Variants in ADARB1 observed in about 807,000 individuals in gnomAD.
The protein encoded by ADARB1 is adenosine deaminase RNA specific B1.
ADARB1 carries 10 observed loss-of-function variants against 52.4 expected under a neutral mutation model. The ratio of observed to expected loss-of-function variants is 0.19; its 90% confidence interval spans 0.12 to 0.32. The LOEUF is 0.32. ADARB1 is among the 10% of genes least tolerant of loss of function. The probability of loss-of-function intolerance (pLI) is 1.00; values close to 1 mark genes in which losing one functional copy is unlikely to be tolerated. For missense variants in ADARB1, 643 were observed against 922.3 expected, an observed-to-expected ratio of 0.70 and a Z score of 3.92; for synonymous variants, 349 against 371.1, an observed-to-expected ratio of 0.94 and a Z score of 0.68.
chr21:45,077,598 C>T (rs536019077), intron 1 of ADARB1, among the ~76,000 whole-genome samples: 3 of 151,614 alleles, frequency 2.0e-5, no homozygotes, highest in South Asian at 2.1e-4. Flanking sequence ...ACCCAGGAGG[C>T]GGAGCTTGCA....
At chr21:45,180,609 C>A (rs974873971) in intron 5 of ADARB1, among the ~76,000 whole-genome samples, 165 bp downstream of exon 5, 1 of 152,198 alleles carries the variant, frequency 6.6e-6, no homozygotes, top group Non-Finnish European at 1.5e-5. Flanking sequence ...CACTTACAAG[C>A]TTTTTTCCCA....
At chr21:45,197,758 C>G (rs1394315252) in intron 8 of ADARB1, among the ~76,000 whole-genome samples, 1 of 152,200 alleles carries the variant, frequency 6.6e-6, no homozygotes, top group Non-Finnish European at 1.5e-5. Context: ...CAGTGATACA[C>G]ACTACAGCAT....
intron 1 of ADARB1, among the ~76,000 whole-genome samples, chr21:45,113,259 C>G (rs1386627814): frequency 6.6e-6 from 1 of 152,048 alleles, no homozygotes; most frequent in Non-Finnish European, 1.5e-5. Flanking sequence ...CCCATCTCTA[C>G]TAATAATACA....
At chr21:45,186,494 C>T (rs757220427) in intron 8 of ADARB1, among the ~76,000 whole-genome samples, 2 of 152,134 alleles carry the variant, frequency 1.3e-5, no homozygotes, top group Non-Finnish European at 2.9e-5. Context: ...AGATTGCATC[C>T]CAGGGCAGTC....
At chr21:45,075,048 A>G (rs2085862604) in intron 1 of ADARB1, among the ~76,000 whole-genome samples, 1 of 149,202 alleles carries the variant, frequency 6.7e-6, no homozygotes, top group African/African-American at 2.5e-5. Context: ...TCCCCTCCCG[A>G]GGGCGCCGAG....
In ADARB1 at chr21:45,222,457, C is replaced by G. The variant is rs77920851; in HGVS notation, c.*260C>G. 8 of 1,235,412 alleles carry G rather than the reference C, an allele frequency of 6.5e-6. No homozygotes were observed. In the African/African-American group the frequency reaches 1.2e-4, roughly 19 times the overall value. The allele number at this position is 1,235,412 out of a possible 1,614,324, so 76.5% of individuals were successfully genotyped here. On this transcript the variant is annotated 3_prime_UTR_variant, in exon 11 of 11. Coordinates refer to ENST00000348831, the MANE Select transcript of ADARB1 (RefSeq NM_001112.4). ...TGCCGCAGCATTTCCCCTTCTGAAC[C>G]GTCCAGTGACTGCTTTCAATCTCGG...
chr21:45,164,292 A>G (rs2091142129), intron 2 of ADARB1, among the ~76,000 whole-genome samples: 1 of 152,152 alleles, frequency 6.6e-6, no homozygotes, highest in Non-Finnish European at 1.5e-5. Flanking sequence ...CAGGGCCTGA[A>G]GTAGGCCACG....
At chr21:45,199,177 G>A (rs1479657094) in intron 8 of ADARB1, among the ~76,000 whole-genome samples, 2 of 152,162 alleles carry the variant, frequency 1.3e-5, no homozygotes, top group Non-Finnish European at 2.9e-5. Context: ...AGCTCTGGTG[G>A]CTCCATGGTC....
At chr21:45,167,411 G>A (rs1237976477) in intron 2 of ADARB1, among the ~76,000 whole-genome samples, 1 of 152,160 alleles carries the variant, frequency 6.6e-6, no homozygotes, top group African/African-American at 2.4e-5. Context: ...TTATGTATAA[G>A]AATTAAATTA....
At chr21:45,182,841 T>A in intron 6 of ADARB1, 88 bp downstream of exon 6, 1 of 1,236,250 alleles carries the variant, frequency 8.1e-7, no homozygotes, top group Non-Finnish European at 1.1e-6. Flanking sequence ...TCATTGTTTC[T>A]GTAATCATGG....
At chr21:45,191,880 A>ATATATATATATATT (rs1601874792) in intron 8 of ADARB1, among the ~76,000 whole-genome samples, 1 of 15,746 alleles carries the variant, frequency 6.4e-5, no homozygotes, top group African/African-American at 1.7e-4. Flanking sequence ...ATATATATAT[A>ATATATATATATATT]TTTTTTTTTT....
intron 2 of ADARB1, among the ~76,000 whole-genome samples, chr21:45,135,710 G>C (rs1446607912): frequency 2.0e-5 from 3 of 152,232 alleles, no homozygotes; most frequent in Admixed American, 1.3e-4. Flanking sequence ...TGACAAGTCT[G>C]CCATCCACAT....
chr21:45,164,115 A>G (rs2838795), intron 2 of ADARB1, among the ~76,000 whole-genome samples: 1,637 of 152,350 alleles, frequency 0.011, 24 homozygotes, highest in African/African-American at 0.037. Flanking sequence ...GCCCTGTTTT[A>G]AAGAGCAGAA....
intron 2 of ADARB1, among the ~76,000 whole-genome samples, chr21:45,161,702 C>T (rs1325949993): frequency 6.6e-6 from 1 of 152,190 alleles, no homozygotes; most frequent in East Asian, 1.9e-4. Flanking sequence ...TGAAACTCCA[C>T]CTTCAGCTTA....
intron 8 of ADARB1, among the ~76,000 whole-genome samples, chr21:45,193,818 A>G (rs2092360150): frequency 6.6e-6 from 1 of 152,236 alleles, no homozygotes; most frequent in Non-Finnish European, 1.5e-5. Context: ...CACATTGCCT[A>G]GAGAAATTAA....
chr21:45,128,521 C>G lies in ADARB1; in HGVS notation c.-100C>G. 6.6e-6 allele frequency: 1 copy of G among 152,200 alleles called. No individual in the cohort carries two copies. The highest frequency in any genetic ancestry group is 1.5e-5 in the Non-Finnish European group (1 of 68,038). The allele number at this position is 152,200 out of a possible 1,614,324, so 9.4% of individuals were successfully genotyped here. On this transcript the variant is annotated 5_prime_UTR_variant, in exon 2 of 11. Transcript: ENST00000348831. This position sits in a 1 kb window ranked among gnomAD's most constrained non-coding sequence, Gnocchi z 4.6. The stretch of plus-strand genomic sequence containing the variant: ...AGATACTCTCTCAGTCCGCTCGCAC[C>G]GAAGGAAGCTGCCTTGGGATCAGAG...
chr21:45,169,675 T>C (rs2091403438), intron 2 of ADARB1, among the ~76,000 whole-genome samples: 1 of 152,234 alleles, frequency 6.6e-6, no homozygotes, highest in African/African-American at 2.4e-5. Flanking sequence ...AGGAAGTTCC[T>C]TTGCCTATTT....
At chr21:45,159,366 G>T (rs886295490) in intron 2 of ADARB1, among the ~76,000 whole-genome samples, 1 of 152,124 alleles carries the variant, frequency 6.6e-6, no homozygotes, top group Admixed American at 6.5e-5. Context: ...TCTCCCACTG[G>T]GTCCCTCCCA....
At position 45,224,683 on chromosome 21, in the gene ADARB1, C is replaced by T. The variant is rs1427313885; in HGVS notation, c.*2486C>T. The T allele has an allele frequency of 3.9e-5, 30 of 775,944 alleles. No homozygotes were observed. Among genetic ancestry groups the T allele is most frequent in the Admixed American group, 8.9e-4 (1 of 1,128 alleles). The allele number at this position is 775,944 out of a possible 1,614,324, so 48.1% of individuals were successfully genotyped here. A position where few individuals can be genotyped will look rare whatever the true frequency, so the allele number is the denominator to read the frequency against. On this transcript the variant is annotated 3_prime_UTR_variant, in exon 11 of 11. Transcript: ENST00000348831. ...GGGTTCCGGGAGCCCTGGGCCGGGG[C>T]AGGGGGCGGCTGTAGGAAGGAACTG... is the stretch of plus-strand genomic sequence containing the variant.
Sources: allele counts gnomAD v4.1 joint callset (sites outside exome capture counted in the v4.1 genomes callset), GRCh38; gene constraint gnomAD v4.1.1; non-coding constraint Gnocchi (gnomAD v3.1); transcripts MANE v1.5; gene names NCBI Gene and HGNC (gene_info 2026-07-23, HGNC 2026-07-21).